HAUS1: variants seen among roughly 807,000 people sequenced by gnomAD.
The protein encoded by HAUS1 is HAUS augmin-like complex subunit 1.
A neutral mutation model predicts 38.6 loss-of-function variants in HAUS1; 25 were observed. That is an observed-to-expected ratio of 0.65 (90% CI 0.47 to 0.91). The LOEUF is 0.91. Ranked by LOEUF, HAUS1 falls within the 40% of genes least tolerant of loss-of-function variation. HAUS1 has a pLI of 0.00. For missense variants in HAUS1, 325 were observed against 328.4 expected (o/e 0.99, Z 0.08); for synonymous variants, 109 against 112.9 (o/e 0.97, Z 0.22).
chr18:46,105,816 G>T (rs909216542), intron 2 of HAUS1, among the ~76,000 whole-genome samples: 2 of 151,988 alleles, frequency 1.3e-5, no homozygotes, highest in African/African-American at 4.8e-5. Context: ...CCTGACTTCA[G>T]GTGATCCGCC....
chr18:46,113,001 T>TATATATGGAATATATATATTATATATATA (rs1568263615), intron 2 of HAUS1, among the ~76,000 whole-genome samples: 4 of 124,394 alleles, frequency 3.2e-5, no homozygotes, highest in Admixed American at 9.3e-5. Flanking sequence ...ATATTCCATA[T>TATATATGGAATATATATATTATATATATA]ATATGGAATA....
intron 6 of HAUS1, among the ~76,000 whole-genome samples, chr18:46,124,315 C>G (rs1912034293): frequency 6.7e-6 from 1 of 149,410 alleles, no homozygotes; most frequent in African/African-American, 2.5e-5. Context: ...GAGGCTGAGG[C>G]AGGAGAAAGA....
In HAUS1 at chr18:46,118,227, C is replaced by A. The variant is rs115018280; in HGVS notation, c.252C>A (p.Pro84=). ...DLLMESVNFS[P]ANLSSTGSRY... is the part of the protein sequence containing the mutation. Reference sequence around the variant, plus strand: ...TCATGGAGAGTGTGAATTTTTCCCCCGCCAATCTCTCTAGCACTGGTTCCA... The same window carrying A: ...TCATGGAGAGTGTGAATTTTTCCCCAGCCAATCTCTCTAGCACTGGTTCCA... The change falls in exon 3 of 9, where the codon CCC becomes CCA. Residue 84 remains proline, a synonymous_variant. Transcript: ENST00000282058. The A allele has an allele frequency of 2.5e-6, 4 of 1,612,236 alleles. No homozygotes were observed. Among genetic ancestry groups the A allele is most frequent in the Non-Finnish European group, 3.4e-6 (4 of 1,179,854 alleles).
At chr18:46,118,150 CAG>C (rs746610094) in intron 2 of HAUS1, 29 bp from the exon 3 acceptor site, 79 of 1,605,580 alleles carry the variant, frequency 4.9e-5, no homozygotes, top group Middle Eastern at 2.3e-4. Flanking sequence ...AAAAAGCAAA[CAG>C]TCACTATGGA....
chr18:46,116,621 A>T (rs1911805349), intron 2 of HAUS1, among the ~76,000 whole-genome samples: 1 of 152,102 alleles, frequency 6.6e-6, no homozygotes, highest in African/African-American at 2.4e-5. Flanking sequence ...ACCCAATTTT[A>T]AAATGGGCAA....
intron 6 of HAUS1, among the ~76,000 whole-genome samples, chr18:46,123,773 T>A (rs1912017017): frequency 6.6e-6 from 1 of 152,214 alleles, no homozygotes; most frequent in South Asian, 2.1e-4. Context: ...CCTGTTTTGG[T>A]GGGAAGAGAG....
chr18:46,105,361 G>C lies in HAUS1; in HGVS notation c.198G>C (p.Glu66Asp), dbSNP rs752163999. ...EDLKQKASEYESEAKYLQDLL... is the reference protein window; with the variant it reads ...EDLKQKASEYDSEAKYLQDLL... ...TGAAGCAGAAAGCAAGTGAATACGA[G>C]TCAGAAGGTGAGATTAAGTCCAGAG... Residue 66 changes from glutamate to aspartate, a missense_variant, in exon 2 of 9, where the codon GAG (glutamate) becomes GAC (aspartate). Physicochemically the swap from Glu to Asp is conservative, Grantham distance 45. Transcript: ENST00000282058. 11 of 1,610,978 alleles carry C rather than the reference G, an allele frequency of 6.8e-6. No individual in the cohort carries two copies. Among genetic ancestry groups the C allele is most frequent in the Non-Finnish European group, 8.5e-6 (10 of 1,178,416 alleles).
chr18:46,110,654 T>C (rs1369540907), intron 2 of HAUS1, among the ~76,000 whole-genome samples: 2 of 152,042 alleles, frequency 1.3e-5, no homozygotes, highest in Non-Finnish European at 2.9e-5. Context: ...CAAATTTTTT[T>C]GTAGAGGTGG....
chr18:46,125,839 A>G (rs1462352945), intron 8 of HAUS1, 48 bp downstream of exon 8: 1 of 1,168,208 alleles, frequency 8.6e-7, no homozygotes, highest in Non-Finnish European at 1.3e-6. Flanking sequence ...AAGAAAATAA[A>G]TGCTAATATA....
intron 4 of HAUS1, among the ~76,000 whole-genome samples, chr18:46,120,932 A>G (rs1206730629): frequency 6.6e-6 from 1 of 152,202 alleles, no homozygotes. Context: ...AGAATTTTCA[A>G]AATGTATGTG....
Position 46,128,211 on chromosome 18 carries a change from T to C in HAUS1, c.*86T>C. 1.4e-6 allele frequency: 1 copy of C among 701,804 alleles called. No individual in the cohort carries two copies. The allele number at this position is 701,804 out of a possible 1,614,324, so 43.5% of individuals were successfully genotyped here. A position where few individuals can be genotyped will look rare whatever the true frequency, so the allele number is the denominator to read the frequency against. ...TCTTTTTCCTCTTGGCATTTCCTAA[T>C]AACAAAACTTTCTGTGTTCTTAGAT... On this transcript the variant is annotated 3_prime_UTR_variant, in exon 9 of 9. Transcript: ENST00000282058.
At chr18:46,118,388 C>A in intron 3 of HAUS1, 72 bp downstream of exon 3, 1 of 1,433,318 alleles carries the variant, frequency 7.0e-7, no homozygotes, top group Non-Finnish European at 9.6e-7. Context: ...TTGTTCTCAG[C>A]ATAATTCTAT....
At chr18:46,122,715 C>T in intron 5 of HAUS1, 125 bp downstream of exon 5, 1 of 1,027,580 alleles carries the variant, frequency 9.7e-7, no homozygotes, top group South Asian at 1.6e-5. Flanking sequence ...GGTAAGTTGC[C>T]CAAGATTACA....
At chr18:46,114,587 A>G (rs962448022) in intron 2 of HAUS1, among the ~76,000 whole-genome samples, 2 of 152,152 alleles carry the variant, frequency 1.3e-5, no homozygotes, top group Non-Finnish European at 2.9e-5. Flanking sequence ...TTCCATTCCA[A>G]GAGCAGTGGC....
At chr18:46,117,666 C>G (rs201064519) in intron 2 of HAUS1, among the ~76,000 whole-genome samples, 1 of 151,644 alleles carries the variant, frequency 6.6e-6, no homozygotes, top group Admixed American at 6.6e-5. Flanking sequence ...AAAAATAAAC[C>G]GGGGGCAGTG....
At chr18:46,123,788 A>C (rs993303979) in intron 6 of HAUS1, among the ~76,000 whole-genome samples, 25 of 152,172 alleles carry the variant, frequency 1.6e-4, no homozygotes, top group African/African-American at 6.0e-4. Flanking sequence ...AGAGAGAAAT[A>C]GAGGGTTTTG....
At chr18:46,111,169 C>G (rs924258124) in intron 2 of HAUS1, among the ~76,000 whole-genome samples, 1 of 151,874 alleles carries the variant, frequency 6.6e-6, no homozygotes, top group Admixed American at 6.6e-5. Flanking sequence ...CACCCGGCCT[C>G]AAGATTTTCT....
At chr18:46,107,323 GCTTT>G (rs1197551610) in intron 2 of HAUS1, among the ~76,000 whole-genome samples, 9 of 152,130 alleles carry the variant, frequency 5.9e-5, no homozygotes, top group Admixed American at 5.9e-4. Flanking sequence ...TTTTATAAGA[GCTTT>G]CTTTTTTGTC....
intron 6 of HAUS1, among the ~76,000 whole-genome samples, chr18:46,124,078 C>G (rs1334338971): frequency 6.6e-6 from 1 of 152,022 alleles, no homozygotes; most frequent in East Asian, 1.9e-4. Context: ...ACATTCTTTT[C>G]TATTCTAAGA....
Sources: allele counts gnomAD v4.1 joint callset (sites outside exome capture counted in the v4.1 genomes callset), GRCh38; gene constraint gnomAD v4.1.1; transcripts MANE v1.5; gene names NCBI Gene and HGNC (gene_info 2026-07-23, HGNC 2026-07-21).